Variants in FER observed in about 807,000 individuals in gnomAD.
FER encodes FER tyrosine kinase.
In FER, 63 loss-of-function variants were observed where a neutral mutation model predicts 111.0. The observed-to-expected ratio is 0.57, with a 90% CI of 0.46 to 0.70. The LOEUF is 0.70. Among genes scored for constraint, FER ranks in the 30% least tolerant of loss-of-function variants. FER has a pLI of 0.00. For synonymous variants in FER, 327 were observed against 313.9 expected (o/e 1.04, Z -0.44); for missense variants, 914 against 954.0 (o/e 0.96, Z 0.55).
At chr5:109,161,706 G>A (rs547261512) in intron 17 of FER, among the ~76,000 whole-genome samples, 9 of 152,164 alleles carry the variant, frequency 5.9e-5, no homozygotes, top group African/African-American at 1.4e-4. Context: ...GAATATACGC[G>A]TATATGTGTA....
intron 10 of FER, among the ~76,000 whole-genome samples, chr5:108,910,667 A>G (rs1471569181): frequency 1.3e-5 from 2 of 151,808 alleles, no homozygotes; most frequent in Admixed American, 6.6e-5. Context: ...CCCAGTGTCT[A>G]TTATTTTCAG....
chr5:108,893,130 A>C (rs1748427616), intron 9 of FER, among the ~76,000 whole-genome samples: 1 of 152,174 alleles, frequency 6.6e-6, no homozygotes, highest in African/African-American at 2.4e-5. Flanking sequence ...CTTTTGGCTT[A>C]GGATTGACTT....
At chr5:109,075,145 T>A (rs1403077468) in intron 16 of FER, among the ~76,000 whole-genome samples, 1 of 152,200 alleles carries the variant, frequency 6.6e-6, no homozygotes, top group African/African-American at 2.4e-5. Flanking sequence ...TCTCATCTCT[T>A]GTTTACGCTG....
chr5:108,987,847 A>G (rs561720026), intron 13 of FER, among the ~76,000 whole-genome samples: 1 of 152,256 alleles, frequency 6.6e-6, no homozygotes, highest in South Asian at 2.1e-4. Context: ...GGAAGTGGTG[A>G]GAATGGGCGT....
chr5:108,958,173 A>G (rs1001348651), intron 12 of FER, among the ~76,000 whole-genome samples: 1 of 151,824 alleles, frequency 6.6e-6, no homozygotes, highest in Non-Finnish European at 1.5e-5. Context: ...AAATTTTGAT[A>G]CATTCAATCT....
chr5:109,086,437 G>A (rs907788621), intron 16 of FER, among the ~76,000 whole-genome samples: 9 of 151,678 alleles, frequency 5.9e-5, no homozygotes, highest in African/African-American at 1.4e-4. Flanking sequence ...TGGGAATGGC[G>A]GAGAACAGTC....
intron 3 of FER, among the ~76,000 whole-genome samples, chr5:108,827,822 CTT>C (rs5870331): frequency 1.2e-4 from 15 of 121,604 alleles, no homozygotes; most frequent in Admixed American, 9.2e-5. Flanking sequence ...GAGTTAGTAT[CTT>C]TTTTTTTTTT....
At chr5:108,835,526 TATTG>T (rs1166875005) in intron 4 of FER, among the ~76,000 whole-genome samples, 178 bp from the exon 5 acceptor site, 1 of 152,196 alleles carries the variant, frequency 6.6e-6, no homozygotes, top group East Asian at 1.9e-4. Context: ...TTTCACATGC[TATTG>T]AATTTAGTAC....
At chr5:108,918,087 A>G (rs1222073414) in intron 10 of FER, among the ~76,000 whole-genome samples, 1 of 152,206 alleles carries the variant, frequency 6.6e-6, no homozygotes, top group Non-Finnish European at 1.5e-5. Context: ...GGATGTATGT[A>G]TAGTTACTAC....
intron 5 of FER, among the ~76,000 whole-genome samples, chr5:108,838,559 A>C (rs1341556607): frequency 6.6e-6 from 1 of 152,090 alleles, no homozygotes; most frequent in Admixed American, 6.5e-5. Flanking sequence ...GTAGTAGTAA[A>C]CCAGCAGGAA....
intron 9 of FER, among the ~76,000 whole-genome samples, chr5:108,890,185 G>A (rs1206580194): frequency 6.6e-6 from 1 of 151,994 alleles, no homozygotes; most frequent in Non-Finnish European, 1.5e-5. Flanking sequence ...CATGTTGTAT[G>A]TAACCTTTTG....
intron 17 of FER, among the ~76,000 whole-genome samples, chr5:109,122,533 A>T (rs1227592776): frequency 6.7e-6 from 1 of 148,436 alleles, no homozygotes; most frequent in East Asian, 1.9e-4. Context: ...AAAAAAAAAA[A>T]GGCATGTTCT....
chr5:109,036,367 T>C (rs1770405934), intron 13 of FER, among the ~76,000 whole-genome samples: 1 of 152,120 alleles, frequency 6.6e-6, no homozygotes, highest in Non-Finnish European at 1.5e-5. Flanking sequence ...ACAGAGAGTG[T>C]TGGTTGAGTG....
chr5:108,749,745 T>C (rs945376158), intron 1 of FER, among the ~76,000 whole-genome samples: 2 of 152,160 alleles, frequency 1.3e-5, no homozygotes, highest in Non-Finnish European at 2.9e-5. Flanking sequence ...TGTGGTCTCT[T>C]TGCCAGTTAG....
intron 10 of FER, among the ~76,000 whole-genome samples, chr5:108,916,946 G>T (rs1390311365): frequency 1.3e-5 from 2 of 151,964 alleles, no homozygotes; most frequent in African/African-American, 4.8e-5. Context: ...CAAATTAATT[G>T]AACATAGGAT....
At chr5:108,849,284 C>T (rs959950783) in intron 5 of FER, among the ~76,000 whole-genome samples, 16 of 152,098 alleles carry the variant, frequency 1.1e-4, no homozygotes, top group African/African-American at 3.4e-4. Flanking sequence ...TCCAGTTACA[C>T]ATATATTAGG....
At chr5:108,827,954 T>C (rs995275036) in intron 3 of FER, among the ~76,000 whole-genome samples, 8 of 151,772 alleles carry the variant, frequency 5.3e-5, no homozygotes, top group African/African-American at 1.7e-4. Flanking sequence ...CTCAGCCTCC[T>C]GAGTAGCTAG....
intron 17 of FER, among the ~76,000 whole-genome samples, chr5:109,105,209 G>A (rs2150075608): frequency 6.7e-6 from 1 of 149,566 alleles, no homozygotes; most frequent in Middle Eastern, 3.4e-3. Flanking sequence ...TTAAATGTAA[G>A]ATACTGCTTC....
intron 4 of FER, among the ~76,000 whole-genome samples, chr5:108,835,195 C>CCA (rs1554074800): frequency 7.9e-6 from 1 of 126,882 alleles, no homozygotes; most frequent in African/African-American, 3.3e-5. Context: ...CCCCCCCCCC[C>CCA]CCACTTTTTT....
Sources: gnomAD v4.1 joint callset for allele counts (sites outside exome capture counted in the v4.1 genomes callset) on GRCh38, gnomAD v4.1.1 for gene constraint, MANE v1.5 for transcripts, NCBI Gene and HGNC (gene_info 2026-07-23, HGNC 2026-07-21) for gene names.